NEIL1: variants seen among roughly 807,000 people sequenced by gnomAD.
NEIL1 encodes the protein endonuclease 8-like 1.
NEIL1 carries 31 observed loss-of-function variants against 44.2 expected under a neutral mutation model. The observed-to-expected ratio is 0.70, with a 90% CI of 0.53 to 0.95. NEIL1 has a LOEUF of 0.95. Among genes scored for constraint, NEIL1 ranks in the 40% least tolerant of loss-of-function variants. The pLI, the probability that NEIL1 is intolerant of heterozygous loss-of-function variation, is 0.00. For missense variants in NEIL1, 549 were observed against 515.5 expected, an observed-to-expected ratio of 1.07 and a Z score of -0.63; for synonymous variants, 254 against 209.7, an observed-to-expected ratio of 1.21 and a Z score of -1.83.
In NEIL1 at chr15:75,354,504, T is replaced by C; in HGVS notation, c.936+12T>C. The C allele has an allele frequency of 6.2e-7, 1 of 1,614,042 alleles. No individual in the cohort carries two copies. Among genetic ancestry groups the C allele is most frequent in the South Asian group, 1.1e-5 (1 of 91,084 alleles). ...AGGACAGAGTGGAGGTATGGCTGCC[T>C]GCTCCCGCCTCCTCCCCTGCACTCT... On this transcript the variant is annotated intron_variant, in intron 8 of 9. Coordinates refer to ENST00000355059, the MANE Select transcript of NEIL1 (RefSeq NM_024608.4).
intron 2 of NEIL1, among the ~76,000 whole-genome samples, chr15:75,350,799 G>A (rs1376883009): frequency 7.9e-5 from 12 of 152,222 alleles, no homozygotes; most frequent in Admixed American, 2.6e-4. Flanking sequence ...CTCAAACCAC[G>A]AGCATTTGGG....
chr15:75,354,067 T>C (rs1382594284), intron 6 of NEIL1, 183 bp from the exon 7 acceptor site: 2 of 1,017,924 alleles, frequency 2.0e-6, no homozygotes, highest in African/African-American at 3.2e-5. Flanking sequence ...GTAGCCCAAG[T>C]GAAAGTAGCC....
Position 75,352,345 on chromosome 15 carries a change from G to A in NEIL1, c.576G>A (p.Glu192=). ...ACAGGCTGAAGATCCCCCCCTTTGAGAAGGCCCGCTCGGTCCTGGAGGCCC... is the reference window on the plus strand; with the variant it reads ...ACAGGCTGAAGATCCCCCCCTTTGAAAAGGCCCGCTCGGTCCTGGAGGCCC... The part of the protein sequence containing the change: ...ILYRLKIPPF[E]KARSVLEALQ... Residue 192 remains glutamate, a synonymous_variant, in exon 4 of 10, where the codon GAG becomes GAA. Transcript: ENST00000355059. 6.2e-7 allele frequency: 1 copy of A among 1,614,170 alleles called. No individual in the cohort carries two copies. Among genetic ancestry groups the A allele is most frequent in the Non-Finnish European group, 8.5e-7 (1 of 1,180,044 alleles).
chr15:75,349,042 G>GC lies in NEIL1; in HGVS notation c.138dup (p.Ile47HisfsTer109), dbSNP rs752684013. 31 of 1,613,446 alleles carry GC rather than the reference G, an allele frequency of 1.9e-5. No homozygotes were observed. Among genetic ancestry groups the GC allele is most frequent in the South Asian group, 2.2e-5 (2 of 91,094 alleles). ...GTGCCCTTTGAGAGCAGTGCCTACC[G>GC]CATCTCAGCTTCAGCCCGCGGCAAG... is the stretch of plus-strand genomic sequence containing the variant. On this transcript the variant is annotated frameshift_variant, in exon 2 of 10. Transcript: ENST00000355059. LOFTEE classifies it high-confidence loss of function.
chr15:75,354,232 AT>A lies in NEIL1; in HGVS notation c.847-17del. On this transcript the variant is annotated splice_polypyrimidine_tract_variant and intron_variant, in intron 6 of 9. Coordinates refer to ENST00000355059, the MANE Select transcript of NEIL1 (RefSeq NM_024608.4). ...GCCAACCCAGGCTGATTCCTGAATT[AT>A]CCCCATCCCATTTTAGGGGGATCCT... 6.2e-7 allele frequency: 1 copy of A among 1,613,962 alleles called. No homozygotes were observed. The highest frequency in any genetic ancestry group is 8.5e-7 in the Non-Finnish European group (1 of 1,179,918).
rs2072304719 is a variant in NEIL1 at position 75,356,482 on chromosome 15, G to A, written c.*1448G>A. ...ACGACCAGGAAACAATGCTGGTGGA[G>A]AATGGGGGCTACCCTCCCCTGTCCC... is the stretch of plus-strand genomic sequence containing the variant. On this transcript the variant is annotated 3_prime_UTR_variant, in exon 10 of 10. Coordinates refer to ENST00000355059, the MANE Select transcript of NEIL1 (RefSeq NM_024608.4). The surrounding 1 kb of genome is among the most constrained non-coding windows in gnomAD (Gnocchi z 5.8). 2 of 1,576,660 alleles carry A rather than the reference G, an allele frequency of 1.3e-6. No individual in the cohort carries two copies. Among genetic ancestry groups the A allele is most frequent in the Non-Finnish European group, 1.7e-6 (2 of 1,163,114 alleles).
In NEIL1 at chr15:75,349,237, C is replaced by T; in HGVS notation, c.332C>T (p.Ala111Val). ...FYTAPPGPRL[A>V]LCFVDIRRFG... ...ACGGCCCCGCCTGGCCCCCGGCTCG[C>T]CCTATGTTTCGTGGACATCCGCCGG... The change falls in exon 2 of 10, where the codon GCC (alanine) becomes GTC (valine). Residue 111 changes from alanine to valine, a missense_variant. Transcript: ENST00000355059. The T allele has an allele frequency of 6.2e-7, 1 of 1,610,712 alleles. No individual in the cohort carries two copies. The highest frequency in any genetic ancestry group is 8.5e-7 in the Non-Finnish European group (1 of 1,179,886).
chr15:75,348,554 TGAGGGGAG>T (rs2071622602), intron 1 of NEIL1: 1 of 1,177,964 alleles, frequency 8.5e-7, no homozygotes, highest in African/African-American at 1.6e-5. Context: ...GATCCGTGAG[TGAGGGGAG>T]CCGGGAAGAA....
chr15:75,355,760 A>G lies in NEIL1; in HGVS notation c.*726A>G. ...ACTTCCCACCCCCACCCCAAGCGTG[A>G]GGATGGGCCCTAAGGGGACTGAGCA... On this transcript the variant is annotated 3_prime_UTR_variant, in exon 10 of 10. Transcript: ENST00000355059. The G allele has an allele frequency of 4.1e-6, 2 of 484,782 alleles. No homozygotes were observed. The highest frequency in any genetic ancestry group is 7.0e-6 in the Non-Finnish European group (2 of 284,678). 30.0% of individuals were successfully genotyped at this position (484,782 alleles called of 1,614,324 possible). A position where few individuals can be genotyped will look rare whatever the true frequency, so the allele number is the denominator to read the frequency against.
At chr15:75,348,356 G>A in intron 1 of NEIL1, 2 of 988,420 alleles carry the variant, frequency 2.0e-6, no homozygotes, top group South Asian at 4.6e-5. Context: ...GATCCAGGCG[G>A]GTCCTAAGTG....
intron 1 of NEIL1, 95 bp from the exon 2 acceptor site, chr15:75,348,789 T>A (rs2071640754): frequency 6.6e-7 from 1 of 1,507,810 alleles, no homozygotes; most frequent in African/African-American, 1.4e-5. Flanking sequence ...CACATGCCCA[T>A]CTGACCCTCC....
In NEIL1 at chr15:75,355,763, A is replaced by C; in HGVS notation, c.*729A>C. 3.5e-5 allele frequency: 15 copies of C among 433,724 alleles called. No individual in the cohort carries two copies. Among genetic ancestry groups the C allele is most frequent in the East Asian group, 1.5e-4 (2 of 13,576 alleles). 26.9% of individuals were successfully genotyped at this position (433,724 alleles called of 1,614,324 possible). ...TCCCACCCCCACCCCAAGCGTGAGGATGGGCCCTAAGGGGACTGAGCAGCA... is the reference window on the plus strand; with the variant it reads ...TCCCACCCCCACCCCAAGCGTGAGGCTGGGCCCTAAGGGGACTGAGCAGCA... On this transcript the variant is annotated 3_prime_UTR_variant, in exon 10 of 10. Coordinates refer to ENST00000355059, the MANE Select transcript of NEIL1 (RefSeq NM_024608.4).
chr15:75,348,875 C>A lies in NEIL1; in HGVS notation c.-22-9C>A. On this transcript the variant is annotated splice_polypyrimidine_tract_variant and intron_variant, in intron 1 of 9. Transcript: ENST00000355059. ...ACCGGGCTCAACCCGCTGCCTTCCT[C>A]CCCAACAGGACTCTGCCACCCTCCC... 1 of 1,601,856 alleles carries A rather than the reference C, an allele frequency of 6.2e-7. No individual in the cohort carries two copies.
rs2141320004 is a variant in NEIL1 at position 75,355,184 on chromosome 15, A to G, written c.*150A>G. On this transcript the variant is annotated 3_prime_UTR_variant, in exon 10 of 10. Transcript: ENST00000355059. ...ACTCTCATGGTTTTAATTGTACCCC[A>G]TCTTCCACATCTTTAAAGCTCATGT... 1 of 629,344 alleles carries G rather than the reference A, an allele frequency of 1.6e-6. No individual in the cohort carries two copies. The highest frequency in any genetic ancestry group is 2.8e-5 in the East Asian group (1 of 35,642). 39.0% of individuals were successfully genotyped at this position (629,344 alleles called of 1,614,324 possible).
At position 75,349,112 on chromosome 15, in the gene NEIL1, A is replaced by G. The variant is rs753082028; in HGVS notation, c.207A>G (p.Gln69=). The change falls in exon 2 of 10, where the codon CAA becomes CAG. Residue 69 remains glutamine (Q), a synonymous_variant. Coordinates refer to ENST00000355059, the MANE Select transcript of NEIL1 (RefSeq NM_024608.4). ...ILSPLPGAQP[Q]QEPLALVFRF... ...GCCCTCTGCCTGGGGCCCAGCCCCA[A>G]CAGGAGCCACTGGCCCTGGTCTTCC... The G allele has an allele frequency of 3.1e-6, 5 of 1,611,884 alleles. No individual in the cohort carries two copies. The highest frequency in any genetic ancestry group is 4.2e-6 in the Non-Finnish European group (5 of 1,179,932).
intron 4 of NEIL1, 104 bp downstream of exon 4, chr15:75,352,491 A>G (rs1050164047): frequency 1.1e-4 from 175 of 1,531,986 alleles, no homozygotes; most frequent in Non-Finnish European, 1.4e-4. Context: ...GCTCAACAAC[A>G]GGGGTGGGGA....
At chr15:75,347,758 A>C (rs1415135870) in intron 1 of NEIL1, 1 of 1,067,316 alleles carries the variant, frequency 9.4e-7, no homozygotes, top group Non-Finnish European at 1.2e-6. Context: ...GAGGGGAGTC[A>C]GGATTAACCG....
chr15:75,355,114 C>G lies in NEIL1; in HGVS notation c.*80C>G. 1 of 1,293,552 alleles carries G rather than the reference C, an allele frequency of 7.7e-7. No homozygotes were observed. The highest frequency in any genetic ancestry group is 1.1e-6 in the Non-Finnish European group (1 of 915,228). The allele number at this position is 1,293,552 out of a possible 1,614,324, so 80.1% of individuals were successfully genotyped here. On this transcript the variant is annotated 3_prime_UTR_variant, in exon 10 of 10. Coordinates refer to ENST00000355059, the MANE Select transcript of NEIL1 (RefSeq NM_024608.4). ...GGGGGTCTGAATTTTTGGGAGCAGG[C>G]AATATCTGAAGGTGCAAACAGGCCC...
chr15:75,356,127 C>G lies in NEIL1; in HGVS notation c.*1093C>G. On this transcript the variant is annotated 3_prime_UTR_variant, in exon 10 of 10. Transcript: ENST00000355059. The surrounding 1 kb of genome is among the most constrained non-coding windows in gnomAD (Gnocchi z 5.8). Reference sequence around the variant, plus strand: ...CCACTCACAGGATGGCCTCCTGAACCGGCAGCGACAAGTGCAGCCAGCAGT... The same window carrying G: ...CCACTCACAGGATGGCCTCCTGAACGGGCAGCGACAAGTGCAGCCAGCAGT... The G allele has an allele frequency of 1.9e-6, 3 of 1,613,780 alleles. No homozygotes were observed. The highest frequency in any genetic ancestry group is 2.5e-6 in the Non-Finnish European group (3 of 1,179,986).
Sources: gnomAD v4.1 joint callset for allele counts (sites outside exome capture counted in the v4.1 genomes callset) on GRCh38, gnomAD v4.1.1 for gene constraint, Gnocchi (gnomAD v3.1) non-coding constraint, MANE v1.5 for transcripts, NCBI Gene and HGNC (gene_info 2026-07-23, HGNC 2026-07-21) for gene names.